Variants in PXDNL observed in about 807,000 individuals in gnomAD.
PXDNL encodes the protein peroxidasin like.
In PXDNL, 145 loss-of-function variants were observed where a neutral mutation model predicts 150.8. That is an observed-to-expected ratio of 0.96 (90% confidence interval 0.84 to 1.10). The LOEUF (loss-of-function observed/expected upper bound fraction) is 1.10. Ranked by LOEUF, PXDNL falls within the 50% of genes least tolerant of loss-of-function variation. The probability of loss-of-function intolerance (pLI) is 0.00; values close to 1 mark genes in which losing one functional copy is unlikely to be tolerated. For missense variants in PXDNL, 2,087 were observed against 1,873.9 expected (o/e 1.11, Z -2.10); for synonymous variants, 757 against 725.7 (o/e 1.04, Z -0.69).
At chr8:51,573,467 G>A (rs1301651745) in intron 3 of PXDNL, among the ~76,000 whole-genome samples, 2 of 151,966 alleles carry the variant, frequency 1.3e-5, no homozygotes, top group Non-Finnish European at 2.9e-5. Context: ...AAGCAGTGAT[G>A]ATGCCACCCC....
chr8:51,748,299 C>G (rs1268640683), intron 1 of PXDNL, among the ~76,000 whole-genome samples: 4 of 152,168 alleles, frequency 2.6e-5, no homozygotes, highest in Non-Finnish European at 5.9e-5. Flanking sequence ...ATAAGGTGAA[C>G]TGAATAAGTT....
rs560352420 is a variant in PXDNL, at chr8:51,546,808, G to A, written c.380+10032C>T. Among the ~76,000 whole-genome samples, 9 of 152,266 alleles carry A rather than the reference G, an allele frequency of 5.9e-5. No individual in the cohort carries two copies. The South Asian group carries it at 1.5e-3, about 25-fold the overall frequency. ...GGATATAAACTCAGTGCAGATGGGCGGGGCACAGCAGGAGTGAGACTGGCC... is the reference window on the plus strand; with the variant it reads ...GGATATAAACTCAGTGCAGATGGGCAGGGCACAGCAGGAGTGAGACTGGCC... On this transcript the variant is annotated intron_variant, in intron 4 of 22. Transcript: ENST00000356297.
chr8:51,504,409 C>T (rs1422102012), intron 4 of PXDNL, among the ~76,000 whole-genome samples: 3 of 152,184 alleles, frequency 2.0e-5, no homozygotes, highest in African/African-American at 7.2e-5. Context: ...CTCCCAGCCA[C>T]ATACCTGCCA....
chr8:51,478,144 T>C (rs1461789337), intron 6 of PXDNL, among the ~76,000 whole-genome samples: 2 of 152,148 alleles, frequency 1.3e-5, no homozygotes. Context: ...GCCATGAATA[T>C]TGAAAACCAA....
rs77668560 is a variant in PXDNL at position 51,578,249 on chromosome 8, T to C, written c.308+14378A>G. On this transcript the variant is annotated intron_variant, in intron 3 of 22. Transcript: ENST00000356297. ...ATTTCAAAGAATCTACTCCCCAAAA[T>C]AATCTTAGAATTTAAAAAGTGAGAT... Among the ~76,000 whole-genome samples the C allele has an allele frequency of 1.4e-3, 214 of 151,936 alleles. 4 individuals carry two copies. In the East Asian group the frequency reaches 0.04, roughly 28 times the overall value.
Position 51,453,640 on chromosome 8 carries a change from G to T in PXDNL, c.1128C>A (p.His376Gln). 1 of 1,613,860 alleles carries T rather than the reference G, an allele frequency of 6.2e-7. No individual in the cohort carries two copies. Among genetic ancestry groups the T allele is most frequent in the Non-Finnish European group, 8.5e-7 (1 of 1,179,898 alleles). The change falls in exon 10 of 23, where the codon CAC becomes CAA. Residue 376 changes from histidine to glutamine, a missense_variant. Coordinates refer to ENST00000356297, the MANE Select transcript of PXDNL (RefSeq NM_144651.5). ...DNGLELDGSR[H>Q]VATSSGLYLQ... The stretch of plus-strand genomic sequence containing the variant: ...AGTAAAGTCCACTGGACGTTGCCAC[G>T]TGCCTGGATCCATCCAGCTCCAATC...
chr8:51,584,163 T>C (rs1028794804), intron 3 of PXDNL, among the ~76,000 whole-genome samples: 2 of 152,210 alleles, frequency 1.3e-5, no homozygotes, highest in African/African-American at 4.8e-5. Context: ...TGATGGCAAA[T>C]CTGTACAAGA....
At chr8:51,541,845 C>G (rs1009375296) in intron 4 of PXDNL, among the ~76,000 whole-genome samples, 4 of 151,946 alleles carry the variant, frequency 2.6e-5, no homozygotes, top group Admixed American at 6.6e-5. Flanking sequence ...CCCTTGCAGC[C>G]TGCTCTCCAG....
chr8:51,338,865 A>C (rs1805908817), intron 21 of PXDNL, among the ~76,000 whole-genome samples: 2 of 152,194 alleles, frequency 1.3e-5, no homozygotes, highest in Admixed American at 1.3e-4. Flanking sequence ...TTGTCAGAAA[A>C]AGAAAGCCAG....
chr8:51,504,181 C>T (rs955365172), intron 4 of PXDNL, among the ~76,000 whole-genome samples: 6 of 152,166 alleles, frequency 3.9e-5, no homozygotes, highest in East Asian at 1.9e-4. Flanking sequence ...ACTATACCCT[C>T]GGTTACTAAA....
intron 17 of PXDNL, among the ~76,000 whole-genome samples, chr8:51,377,805 C>T (rs145400437): frequency 0.012 from 1,756 of 152,334 alleles, 26 homozygotes; most frequent in South Asian, 0.042. Flanking sequence ...TCCCCCACAC[C>T]GCGGGCTCCT....
chr8:51,468,598 A>T (rs978993197), intron 8 of PXDNL, among the ~76,000 whole-genome samples: 9 of 151,872 alleles, frequency 5.9e-5, no homozygotes, highest in African/African-American at 1.9e-4. Context: ...TTTATTTCTG[A>T]TGAGTTATTT....
At chr8:51,565,282 C>CTAAG (rs1812795434) in intron 3 of PXDNL, among the ~76,000 whole-genome samples, 1 of 132,524 alleles carries the variant, frequency 7.5e-6, no homozygotes, top group East Asian at 2.2e-4. Context: ...ATATCTTTTC[C>CTAAG]TAAATAAATA....
chr8:51,659,378 G>A (rs545887129), intron 1 of PXDNL, among the ~76,000 whole-genome samples: 70 of 152,280 alleles, frequency 4.6e-4, no homozygotes, highest in African/African-American at 1.4e-3. Context: ...TGAAGCTGGG[G>A]AAGAAATGTT....
chr8:51,426,299 T>A (rs1420096169), intron 13 of PXDNL, among the ~76,000 whole-genome samples: 4 of 152,206 alleles, frequency 2.6e-5, no homozygotes, highest in Non-Finnish European at 5.9e-5. Context: ...TTAATCCACT[T>A]CTGAGTTATT....
intron 1 of PXDNL, among the ~76,000 whole-genome samples, chr8:51,727,054 T>C (rs1042160509): frequency 2.0e-5 from 3 of 152,220 alleles, no homozygotes; most frequent in Admixed American, 1.3e-4. Flanking sequence ...AAAGTCTAAC[T>C]ACTCCATTTG....
At chr8:51,727,838 G>A (rs1449484347) in intron 1 of PXDNL, among the ~76,000 whole-genome samples, 1 of 152,172 alleles carries the variant, frequency 6.6e-6, no homozygotes, top group Non-Finnish European at 1.5e-5. Context: ...GCTCACTCTA[G>A]CAGAGCACTC....
At chr8:51,445,537 C>T (rs1809654329) in intron 12 of PXDNL, among the ~76,000 whole-genome samples, 1 of 152,182 alleles carries the variant, frequency 6.6e-6, no homozygotes, top group African/African-American at 2.4e-5. Flanking sequence ...CTAATTTCAA[C>T]AGGGGCAACT....
chr8:51,790,630 G>A (rs918985972), intron 1 of PXDNL, among the ~76,000 whole-genome samples: 4 of 151,990 alleles, frequency 2.6e-5, no homozygotes, highest in African/African-American at 7.2e-5. Flanking sequence ...GGCCCATGCC[G>A]GAGTCGCAGC....
Sources: allele counts gnomAD v4.1 joint callset (sites outside exome capture counted in the v4.1 genomes callset), GRCh38; gene constraint gnomAD v4.1.1; transcripts MANE v1.5; gene names NCBI Gene and HGNC (gene_info 2026-07-23, HGNC 2026-07-21).